Variants in SGPL1 observed in about 807,000 individuals in gnomAD.
The protein encoded by SGPL1 is sphingosine-1-phosphate lyase 1, also known as SP-lyase 1.
Under a neutral mutation model 68.9 loss-of-function variants are expected in SGPL1, and 37 were observed. The observed-to-expected ratio is 0.54, with a 90% CI of 0.41 to 0.71. The LOEUF (loss-of-function observed/expected upper bound fraction) is 0.71, where lower values mean the gene tolerates loss of function less well. Ranked by LOEUF, SGPL1 falls within the 30% of genes least tolerant of loss-of-function variation. The pLI is 0.00. For missense variants in SGPL1, 551 were observed against 704.6 expected, an observed-to-expected ratio of 0.78 and a Z score of 2.47; for synonymous variants, 236 against 248.5, an observed-to-expected ratio of 0.95 and a Z score of 0.47.
At chr10:70,824,964 T>TTC (rs1554835571) in intron 2 of SGPL1, among the ~76,000 whole-genome samples, 1 of 78,708 alleles carries the variant, frequency 1.3e-5, no homozygotes, top group East Asian at 4.0e-4. Flanking sequence ...ACGTTGTTTT[T>TTC]TCTCTTTTTT....
intron 2 of SGPL1, among the ~76,000 whole-genome samples, chr10:70,839,485 G>A (rs1288780924): frequency 6.6e-6 from 1 of 151,948 alleles, no homozygotes; most frequent in Non-Finnish European, 1.5e-5. Flanking sequence ...TCCCTGCCCA[G>A]GCACACACAT....
At chr10:70,869,739 T>G in intron 8 of SGPL1, 53 bp from the exon 9 acceptor site, 4 of 1,326,970 alleles carry the variant, frequency 3.0e-6, no homozygotes, top group Non-Finnish European at 4.3e-6. Context: ...GCTAATGGTG[T>G]TTTCTATTAT....
chr10:70,817,679 C>T (rs1450562399), intron 2 of SGPL1, among the ~76,000 whole-genome samples: 1 of 152,168 alleles, frequency 6.6e-6, no homozygotes, highest in South Asian at 2.1e-4. Flanking sequence ...TCTATTATTA[C>T]GTTTTATCAG....
intron 2 of SGPL1, among the ~76,000 whole-genome samples, chr10:70,832,791 T>G (rs1845566174): frequency 6.6e-6 from 1 of 152,214 alleles, no homozygotes; most frequent in African/African-American, 2.4e-5. Flanking sequence ...TCTTACCTAC[T>G]TGCCTTAGGC....
At chr10:70,828,949 G>T (rs1845485784) in intron 2 of SGPL1, among the ~76,000 whole-genome samples, 1 of 152,128 alleles carries the variant, frequency 6.6e-6, no homozygotes, top group Non-Finnish European at 1.5e-5. Flanking sequence ...TTCTGAAAGG[G>T]GATGCCTTTC....
In SGPL1 at chr10:70,816,796, G is replaced by A; in HGVS notation, c.-43-15G>A. The A allele has an allele frequency of 6.4e-7, 1 of 1,574,218 alleles. No individual in the cohort carries two copies. Among genetic ancestry groups the A allele is most frequent in the Non-Finnish European group, 8.7e-7 (1 of 1,143,766 alleles). ...TAAAGCTCTAGAAGTAAACAAACCT[G>A]GTTCCCTTTTACAGAGTCTGAAAAA... On this transcript the variant is annotated splice_polypyrimidine_tract_variant and intron_variant, in intron 1 of 14. Coordinates refer to ENST00000373202, the MANE Select transcript of SGPL1 (RefSeq NM_003901.4).
At chr10:70,843,551 G>T (rs1319264057) in intron 2 of SGPL1, among the ~76,000 whole-genome samples, 1 of 152,252 alleles carries the variant, frequency 6.6e-6, no homozygotes, top group Non-Finnish European at 1.5e-5. Context: ...AAGGCAGGTT[G>T]TGATAAGCTC....
At chr10:70,869,982 T>A in intron 9 of SGPL1, 85 bp downstream of exon 9, 1 of 991,578 alleles carries the variant, frequency 1.0e-6, no homozygotes, top group Non-Finnish European at 1.6e-6. Context: ...TCCAGTCAGA[T>A]GGGTCTGACT....
At chr10:70,846,216 G>A (rs1304004628) in intron 3 of SGPL1, among the ~76,000 whole-genome samples, 2 of 152,010 alleles carry the variant, frequency 1.3e-5, no homozygotes, top group Non-Finnish European at 1.5e-5. Context: ...TAGACTGGCC[G>A]GCCCTTCCGC....
intron 7 of SGPL1, among the ~76,000 whole-genome samples, chr10:70,860,808 A>G (rs1431826238): frequency 6.6e-6 from 1 of 152,198 alleles, no homozygotes; most frequent in Non-Finnish European, 1.5e-5. Context: ...ATTCATAGCA[A>G]TGTTATTCAT....
At chr10:70,833,959 A>G (rs1426860501) in intron 2 of SGPL1, among the ~76,000 whole-genome samples, 1 of 152,188 alleles carries the variant, frequency 6.6e-6, no homozygotes, top group African/African-American at 2.4e-5. Context: ...AATAAATATT[A>G]GGCAGGAACA....
intron 3 of SGPL1, among the ~76,000 whole-genome samples, chr10:70,847,642 C>T (rs1187123037): frequency 2.0e-5 from 3 of 152,114 alleles, no homozygotes; most frequent in African/African-American, 7.2e-5. Flanking sequence ...AAAAAATCGT[C>T]AAATGTTGAC....
At chr10:70,838,508 T>C (rs1845664078) in intron 2 of SGPL1, among the ~76,000 whole-genome samples, 1 of 152,230 alleles carries the variant, frequency 6.6e-6, no homozygotes, top group South Asian at 2.1e-4. Context: ...CTGGGCTTAT[T>C]ACTTCAGCTC....
At chr10:70,841,223 G>A (rs1050040645) in intron 2 of SGPL1, among the ~76,000 whole-genome samples, 1 of 152,044 alleles carries the variant, frequency 6.6e-6, no homozygotes. Flanking sequence ...GAACTGTTGG[G>A]GAATTGCAGA....
intron 3 of SGPL1, among the ~76,000 whole-genome samples, chr10:70,849,272 C>G (rs1845838779): frequency 6.6e-6 from 1 of 152,110 alleles, no homozygotes; most frequent in South Asian, 2.1e-4. Flanking sequence ...AGTTGAATAA[C>G]AAGAAGCTAA....
chr10:70,878,635 G>A lies in SGPL1; in HGVS notation c.*1300G>A, dbSNP rs535440685. On this transcript the variant is annotated 3_prime_UTR_variant, in exon 15 of 15. Transcript: ENST00000373202. Reference sequence around the variant, plus strand: ...CGTTAAGCCATTATGTAATGAAAATGTGTTTGCTTGAAGGAACAGCTCAAA... The same window carrying A: ...CGTTAAGCCATTATGTAATGAAAATATGTTTGCTTGAAGGAACAGCTCAAA... 6.6e-6 allele frequency: 1 copy of A among 152,334 alleles called. No homozygotes were observed. The highest frequency in any genetic ancestry group is 2.1e-4 in the South Asian group (1 of 4,828). 9.4% of individuals were successfully genotyped at this position (152,334 alleles called of 1,614,324 possible).
intron 4 of SGPL1, among the ~76,000 whole-genome samples, chr10:70,853,763 A>G (rs1340401401): frequency 2.0e-5 from 3 of 152,248 alleles, no homozygotes; most frequent in African/African-American, 4.8e-5. Context: ...TAAACTACCT[A>G]GCAGAAAGGA....
At chr10:70,846,521 A>G (rs1272025292) in intron 3 of SGPL1, among the ~76,000 whole-genome samples, 1 of 152,184 alleles carries the variant, frequency 6.6e-6, no homozygotes, top group Non-Finnish European at 1.5e-5. Flanking sequence ...TTGTACAGGC[A>G]TCACTATTAC....
intron 8 of SGPL1, chr10:70,869,196 T>C (rs1846245817): frequency 6.6e-6 from 1 of 152,312 alleles, no homozygotes; most frequent in Non-Finnish European, 1.5e-5. Context: ...GTTGTATGAA[T>C]GGAGTAGTTG....
Sources: allele counts gnomAD v4.1 joint callset (sites outside exome capture counted in the v4.1 genomes callset), GRCh38; gene constraint gnomAD v4.1.1; transcripts MANE v1.5; gene names NCBI Gene and HGNC (gene_info 2026-07-23, HGNC 2026-07-21).